Variants in FBXO38 observed in about 807,000 individuals in gnomAD.
FBXO38 encodes the protein F-box only protein 38.
A neutral mutation model predicts 131.9 loss-of-function variants in FBXO38; 53 were observed. That is an observed-to-expected ratio of 0.40 (90% CI 0.32 to 0.51). The LOEUF is 0.51. Ranked by LOEUF, FBXO38 falls within the 20% of genes least tolerant of loss-of-function variation. The pLI, the probability that FBXO38 is intolerant of heterozygous loss-of-function variation, is 0.53. For missense variants in FBXO38, 1,076 were observed against 1,475.6 expected, an observed-to-expected ratio of 0.73 and a Z score of 4.44; for synonymous variants, 452 against 505.6, an observed-to-expected ratio of 0.89 and a Z score of 1.42.
intron 1 of FBXO38, among the ~76,000 whole-genome samples, chr5:148,392,601 G>C (rs1470790522): frequency 6.6e-6 from 1 of 151,580 alleles, no homozygotes; most frequent in Non-Finnish European, 1.5e-5. Flanking sequence ...GTGTGTGTGT[G>C]TGTGTGTGTG....
intron 10 of FBXO38, 151 bp from the exon 11 acceptor site, chr5:148,415,777 T>C: frequency 1.4e-6 from 1 of 739,584 alleles, no homozygotes. Flanking sequence ...AACATCATAA[T>C]TTAGAATCAT....
chr5:148,394,897 AT>A lies in FBXO38; in HGVS notation c.126del (p.Phe42LeufsTer19). The A allele has an allele frequency of 6.3e-7, 1 of 1,585,758 alleles. No individual in the cohort carries two copies. The highest frequency in any genetic ancestry group is 8.6e-7 in the Non-Finnish European group (1 of 1,166,724). ...ACTTTCACATGAAGTACTTTGCCATATTTTTAGGTAAGATTGTGTTTGGTTG... is the reference window on the plus strand; with the variant it reads ...ACTTTCACATGAAGTACTTTGCCATATTTTAGGTAAGATTGTGTTTGGTTG... ...NQLSHEVLCHIFRYLPLQDIM... is the reference protein window; with the variant it reads ...NQLSHEVLCHXFRYLPLQDIM... On this transcript the variant is annotated frameshift_variant, in exon 2 of 22. Transcript: ENST00000340253. LOFTEE classifies it high-confidence loss of function.
At position 148,419,877 on chromosome 5, in the gene FBXO38, G is replaced by T. The variant is rs559805448; in HGVS notation, c.1618+2673G>T. Among the ~76,000 whole-genome samples, 3 of 152,046 alleles carry T rather than the reference G, an allele frequency of 2.0e-5. No individual in the cohort carries two copies. The South Asian group carries it at 6.2e-4, about 32-fold the overall frequency. Reference sequence around the variant, plus strand: ...TGAGGTAATTTACTGTAAAAGAGGGGCATTGTATAATTTTAAAAGCTATTT... The same window carrying T: ...TGAGGTAATTTACTGTAAAAGAGGGTCATTGTATAATTTTAAAAGCTATTT... On this transcript the variant is annotated intron_variant, in intron 12 of 21. Coordinates refer to ENST00000340253, the MANE Select transcript of FBXO38 (RefSeq NM_205836.3).
chr5:148,406,601 A>T (rs1752458246), intron 7 of FBXO38, among the ~76,000 whole-genome samples: 1 of 152,136 alleles, frequency 6.6e-6, no homozygotes, highest in African/African-American at 2.4e-5. Context: ...CTTAAAATAG[A>T]CAGTAGAGTG....
chr5:148,385,342 A>G (rs1757856232), intron 1 of FBXO38, among the ~76,000 whole-genome samples: 1 of 152,212 alleles, frequency 6.6e-6, no homozygotes, highest in East Asian at 1.9e-4. Flanking sequence ...ATACTAATGC[A>G]TAGCAGAGGA....
In FBXO38 at chr5:148,399,169, T is replaced by C. The variant is rs577432801; in HGVS notation, c.262+37T>C. 5 of 1,602,512 alleles carry C rather than the reference T, an allele frequency of 3.1e-6. No homozygotes were observed. The South Asian group carries it at 3.3e-5, about 11-fold the overall frequency. ...TAGTCTGTGAAGTACAGTAGTGTCCTACTGGAAAGTAGTAACAATGGTTTC... is the reference window on the plus strand; with the variant it reads ...TAGTCTGTGAAGTACAGTAGTGTCCCACTGGAAAGTAGTAACAATGGTTTC... On this transcript the variant is annotated intron_variant, in intron 3 of 21. Transcript: ENST00000340253.
intron 1 of FBXO38, among the ~76,000 whole-genome samples, chr5:148,393,621 T>A (rs1758327999): frequency 5.9e-5 from 9 of 152,138 alleles, no homozygotes; most frequent in Admixed American, 5.9e-4. Context: ...TCTGAGCTCA[T>A]TTGCGTGGTT....
At chr5:148,391,101 C>T (rs1214287362) in intron 1 of FBXO38, among the ~76,000 whole-genome samples, 1 of 152,122 alleles carries the variant, frequency 6.6e-6, no homozygotes, top group African/African-American at 2.4e-5. Context: ...TACAGAGTAG[C>T]TGTTAGGTGT....
chr5:148,423,134 T>C (rs1401376942), intron 12 of FBXO38, among the ~76,000 whole-genome samples: 1 of 152,198 alleles, frequency 6.6e-6, no homozygotes, highest in Non-Finnish European at 1.5e-5. Flanking sequence ...TTTTGAACTG[T>C]TATAGCTCTT....
chr5:148,406,735 T>G (rs1752464741), intron 7 of FBXO38, among the ~76,000 whole-genome samples: 1 of 152,178 alleles, frequency 6.6e-6, no homozygotes, highest in Admixed American at 6.5e-5. Flanking sequence ...GTTTTACAAC[T>G]TGTACAGCCG....
At chr5:148,414,434 A>T in intron 10 of FBXO38, 128 bp downstream of exon 10, 3 of 900,454 alleles carry the variant, frequency 3.3e-6, no homozygotes, top group Non-Finnish European at 4.8e-6. Context: ...GATTGTTCAT[A>T]CAAGTTCTGG....
At chr5:148,403,928 T>G (rs1752300369) in intron 5 of FBXO38, among the ~76,000 whole-genome samples, 1 of 152,206 alleles carries the variant, frequency 6.6e-6, no homozygotes, top group African/African-American at 2.4e-5. Context: ...GGCTTTTATC[T>G]TCTTTCATCC....
At chr5:148,396,912 C>G (rs1758510818) in intron 2 of FBXO38, among the ~76,000 whole-genome samples, 1 of 151,826 alleles carries the variant, frequency 6.6e-6, no homozygotes. Flanking sequence ...GGCCATTGGA[C>G]CATAATCTAA....
chr5:148,424,499 A>G (rs986653072), intron 13 of FBXO38, among the ~76,000 whole-genome samples: 1 of 152,226 alleles, frequency 6.6e-6, no homozygotes, highest in Non-Finnish European at 1.5e-5. Flanking sequence ...GACCTGGTTT[A>G]GTAAACAAAC....
intron 1 of FBXO38, among the ~76,000 whole-genome samples, chr5:148,385,634 T>A (rs942853615): frequency 7.9e-5 from 12 of 152,158 alleles, no homozygotes; most frequent in Admixed American, 6.5e-5. Flanking sequence ...TGTTTTGTTT[T>A]GTTTGTGTGT....
chr5:148,385,736 G>C (rs747808049), intron 1 of FBXO38, among the ~76,000 whole-genome samples: 1 of 152,180 alleles, frequency 6.6e-6, no homozygotes, highest in Non-Finnish European at 1.5e-5. Flanking sequence ...GATAGTCTAT[G>C]ATGTCAATTA....
intron 6 of FBXO38, among the ~76,000 whole-genome samples, chr5:148,406,048 C>T (rs577208429): frequency 6.6e-6 from 1 of 152,306 alleles, no homozygotes; most frequent in East Asian, 1.9e-4. Flanking sequence ...CTACATATCT[C>T]TACAGTGTTA....
At chr5:148,419,057 A>T (rs969961022) in intron 12 of FBXO38, among the ~76,000 whole-genome samples, 4 of 152,258 alleles carry the variant, frequency 2.6e-5, no homozygotes, top group Admixed American at 6.5e-5. Flanking sequence ...GGAAGGATTC[A>T]GCTTCAGCAG....
At chr5:148,411,297 C>A (rs7730971) in intron 9 of FBXO38, among the ~76,000 whole-genome samples, 2 of 152,026 alleles carry the variant, frequency 1.3e-5, no homozygotes, top group Admixed American at 6.6e-5. Context: ...ATTTTCTTAC[C>A]CATTTACAAT....
Sources: gnomAD v4.1 joint callset for allele counts (sites outside exome capture counted in the v4.1 genomes callset) on GRCh38, gnomAD v4.1.1 for gene constraint, MANE v1.5 for transcripts, NCBI Gene and HGNC (gene_info 2026-07-23, HGNC 2026-07-21) for gene names.